The following HERC1 variants were observed in gnomAD, a reference collection of about 807,000 sequenced individuals.
HERC1 encodes probable E3 ubiquitin-protein ligase HERC1.
A neutral mutation model predicts 554.3 loss-of-function variants in HERC1; 160 were observed. The observed-to-expected ratio is 0.29, with a 90% CI of 0.25 to 0.33. HERC1 has a LOEUF of 0.33. HERC1 is among the 10% of genes least tolerant of loss of function. The probability of loss-of-function intolerance (pLI) is 1.00; values close to 1 mark genes in which losing one functional copy is unlikely to be tolerated. For synonymous variants in HERC1, 2,175 were observed against 2,131.7 expected (o/e 1.02, Z -0.56); for missense variants, 4,919 against 5,918.5 (o/e 0.83, Z 5.54).
At chr15:63,634,537 A>T (rs2068697478) in intron 66 of HERC1, among the ~76,000 whole-genome samples, 196 bp downstream of exon 66, 1 of 152,254 alleles carries the variant, frequency 6.6e-6, no homozygotes, top group South Asian at 2.1e-4. Flanking sequence ...TTGGTTTGTC[A>T]CATAAACAAA....
Position 63,612,371 on chromosome 15 carries a change from C to T in HERC1, c.14280G>A (p.Thr4760=), listed in dbSNP as rs200151191. The change falls in exon 77 of 78, where the codon ACG becomes ACA. Residue 4760 remains threonine, a synonymous_variant. Coordinates refer to ENST00000443617, the MANE Select transcript of HERC1 (RefSeq NM_003922.4). This position sits in a 1 kb window ranked among gnomAD's most constrained non-coding sequence, Gnocchi z 5.0. ...QHQLVQWFWH[T]LEEFSNEERV... ...GCTCCTCATTGGAGAACTCTTCCAG[C>T]GTGTGCCAGAACCACTGCACCAGCT... is the stretch of plus-strand genomic sequence containing the variant. 7.7e-4 allele frequency: 1,239 copies of T among 1,614,046 alleles called. 3 individuals carry two copies. The highest frequency in any genetic ancestry group is 9.3e-4 in the Non-Finnish European group (1,096 of 1,179,896).
Position 63,698,790 on chromosome 15 carries a change from T to C in HERC1, c.4843A>G (p.Ser1615Gly), listed in dbSNP as rs1311704008. 1 of 1,613,856 alleles carries C rather than the reference T, an allele frequency of 6.2e-7. No homozygotes were observed. Among genetic ancestry groups the C allele is most frequent in the Non-Finnish European group, 8.5e-7 (1 of 1,179,868 alleles). ...GAGGCCTGGGGACTTGTAGACATAC[T>C]TTCCTCTGGCTCTTTAAAACCTGGG... ...NAPGFKEPEE[S>G]MSTSPQASII... Residue 1615 changes from serine (S) to glycine (G), a missense_variant, in exon 26 of 78, where the codon AGT (serine) becomes GGT (glycine). Physicochemically the swap from Ser to Gly is moderately conservative, Grantham distance 56 (BLOSUM62 0). Around this residue, in one of 11 missense-constraint regions of HERC1, gnomAD observed 1,121 missense variants for 1,244.0 expected, o/e 0.90. Transcript: ENST00000443617.
At chr15:63,790,577 C>A (rs2076616067) in intron 1 of HERC1, among the ~76,000 whole-genome samples, 1 of 149,058 alleles carries the variant, frequency 6.7e-6, no homozygotes, top group Admixed American at 6.8e-5. Flanking sequence ...GACTCCGTCT[C>A]AAAAAAAAAT....
intron 34 of HERC1, among the ~76,000 whole-genome samples, chr15:63,684,489 C>T (rs1189228970): frequency 3.9e-5 from 6 of 152,142 alleles, no homozygotes; most frequent in Non-Finnish European, 7.3e-5. Context: ...AAAACTCTTC[C>T]TCTTGCATCC....
intron 6 of HERC1, among the ~76,000 whole-genome samples, 191 bp downstream of exon 6, chr15:63,755,038 C>T (rs1443491394): frequency 6.6e-6 from 1 of 152,158 alleles, no homozygotes; most frequent in Non-Finnish European, 1.5e-5. Context: ...TAAATGCTTG[C>T]TAGATTTAAT....
rs1266193684 is a variant in HERC1, at chr15:63,694,024, C to T, written c.5614G>A (p.Gly1872Ser). Reference sequence around the variant, plus strand: ...TCAACTTTTTTTTCTTCTTCTTCACCGTCTTCTTGCTCCCCTTCTCCGAAA... The same window carrying T: ...TCAACTTTTTTTTCTTCTTCTTCACTGTCTTCTTGCTCCCCTTCTCCGAAA... ...ASFGEGEQED[G>S]EEEEKKVDSS... The change falls in exon 30 of 78, where the codon GGT becomes AGT. Residue 1872 changes from glycine to serine, a missense_variant. Around this residue, in one of 11 missense-constraint regions of HERC1, gnomAD observed 1,121 missense variants for 1,244.0 expected, o/e 0.90. Transcript: ENST00000443617. This position sits in a 1 kb window ranked among gnomAD's most constrained non-coding sequence, Gnocchi z 4.3. The T allele has an allele frequency of 3.8e-6, 6 of 1,584,414 alleles. No individual in the cohort carries two copies. The highest frequency in any genetic ancestry group is 2.3e-5 in the East Asian group (1 of 43,962).
At chr15:63,711,976 T>G in intron 24 of HERC1, among the ~76,000 whole-genome samples, 1 of 152,238 alleles carries the variant, frequency 6.6e-6, no homozygotes, top group Non-Finnish European at 1.5e-5. Flanking sequence ...ATCTTCTAGA[T>G]AGTTTTCGCT....
chr15:63,646,066 C>T (rs141014376), intron 55 of HERC1, among the ~76,000 whole-genome samples: 1,801 of 152,282 alleles, frequency 0.012, 20 homozygotes, highest in East Asian at 0.023. Context: ...CCCCTTACAT[C>T]CCAATAGCAA....
chr15:63,729,149 GGCTTCT>G, intron 16 of HERC1, 81 bp downstream of exon 16: 1 of 1,196,250 alleles, frequency 8.4e-7, no homozygotes, highest in Non-Finnish European at 1.2e-6. Context: ...CTATTCCAGA[GGCTTCT>G]GGCTCTCTTA....
At chr15:63,710,311 G>C (rs1270352073) in intron 24 of HERC1, among the ~76,000 whole-genome samples, 3 of 152,178 alleles carry the variant, frequency 2.0e-5, no homozygotes, top group Admixed American at 2.0e-4. Flanking sequence ...GGAAAGAAGT[G>C]TCTAAGGAGC....
At position 63,651,277 on chromosome 15, in the gene HERC1, T is replaced by C. The variant is rs368228102; in HGVS notation, c.10522A>G (p.Met3508Val). The change falls in exon 53 of 78, where the codon ATG (methionine) becomes GTG (valine). Residue 3508 changes from methionine (M) to valine (V), a missense_variant. Met to Val is a conservative substitution (Grantham distance 21). Transcript: ENST00000443617. Reference protein sequence around the residue: ...GKYLAGALEKMVNIWQVNGGK... With the variant: ...GKYLAGALEKVVNIWQVNGGK... ...CCATTAACTTGCCAGATATTCACCA[T>C]CTTTTCCAAAGCGCCTGCTAGATAT... 38 of 1,613,790 alleles carry C rather than the reference T, an allele frequency of 2.4e-5. No individual in the cohort carries two copies. Among genetic ancestry groups the C allele is most frequent in the Non-Finnish European group, 2.9e-5 (34 of 1,179,846 alleles).
intron 75 of HERC1, among the ~76,000 whole-genome samples, chr15:63,616,219 G>C (rs541113741): frequency 7.3e-6 from 1 of 136,942 alleles, no homozygotes; most frequent in East Asian, 1.9e-4. Context: ...AAAAAATTAA[G>C]GGGGAAGGAG....
chr15:63,784,225 T>C (rs370264437), intron 1 of HERC1, among the ~76,000 whole-genome samples: 1 of 151,864 alleles, frequency 6.6e-6, no homozygotes, highest in Non-Finnish European at 1.5e-5. Flanking sequence ...TAAGTACCAG[T>C]GGAAAATATT....
At chr15:63,808,797 G>A (rs747742466) in intron 1 of HERC1, among the ~76,000 whole-genome samples, 8 of 152,100 alleles carry the variant, frequency 5.3e-5, no homozygotes, top group Non-Finnish European at 8.8e-5. Flanking sequence ...ACTTTCTAGA[G>A]GAATGAAGAT....
Position 63,734,960 on chromosome 15 carries a change from G to A in HERC1, c.2521-111C>T. 1 of 891,252 alleles carries A rather than the reference G, an allele frequency of 1.1e-6. No homozygotes were observed. The allele number at this position is 891,252 out of a possible 1,614,324, so 55.2% of individuals were successfully genotyped here. Reference sequence around the variant, plus strand: ...AGGATCATGTAAGTCTAAAAAAGATGGCATGATAAAAAAGAAAGCATGCAA... The same window carrying A: ...AGGATCATGTAAGTCTAAAAAAGATAGCATGATAAAAAAGAAAGCATGCAA... On this transcript the variant is annotated intron_variant, in intron 12 of 77. Coordinates refer to ENST00000443617, the MANE Select transcript of HERC1 (RefSeq NM_003922.4). This position sits in a 1 kb window ranked among gnomAD's most constrained non-coding sequence, Gnocchi z 4.6.
intron 12 of HERC1, among the ~76,000 whole-genome samples, chr15:63,744,154 GTGTGTGTGTGTCTCTCTCTCTC>G (rs1193097024): frequency 1.9e-4 from 8 of 42,092 alleles, no homozygotes; most frequent in African/African-American, 5.8e-4. Context: ...GTGTGTGTGT[GTGTGTGTGTGTCTCTCTCTCTC>G]TCTCTCTCTC....
At chr15:63,773,001 A>T (rs1373603891) in intron 2 of HERC1, among the ~76,000 whole-genome samples, 1 of 152,228 alleles carries the variant, frequency 6.6e-6, no homozygotes, top group Non-Finnish European at 1.5e-5. Context: ...ATTGGATTTT[A>T]TGAGACACTC....
intron 1 of HERC1, among the ~76,000 whole-genome samples, chr15:63,792,987 T>G (rs1222725533): frequency 6.6e-6 from 1 of 152,206 alleles, no homozygotes; most frequent in Non-Finnish European, 1.5e-5. Flanking sequence ...GGGAAACACT[T>G]ATACTTACAT....
Position 63,800,691 on chromosome 15 carries a change from C to T in HERC1, c.-26-25042G>A, listed in dbSNP as rs528421499. Among the ~76,000 whole-genome samples, 26 of 152,244 alleles carry T rather than the reference C, an allele frequency of 1.7e-4. No homozygotes were observed. The South Asian group carries it at 4.8e-3, about 28-fold the overall frequency. ...GGTTTGCAATTATATATAATTTGTG[C>T]GATTTGTTTAATGTCCATTTGTGGC... On this transcript the variant is annotated intron_variant, in intron 1 of 77. Transcript: ENST00000443617.
Sources: gnomAD v4.1 joint callset for allele counts (sites outside exome capture counted in the v4.1 genomes callset) on GRCh38, gnomAD v4.1.1 for gene constraint, gnomAD v4.1.1 regional missense constraint, Gnocchi (gnomAD v3.1) non-coding constraint, MANE v1.5 for transcripts, NCBI Gene and HGNC (gene_info 2026-07-23, HGNC 2026-07-21) for gene names.